CAMK1D: variants seen among roughly 807,000 people sequenced by gnomAD.
CAMK1D encodes calcium/calmodulin dependent protein kinase ID, also known as calcium/calmodulin-dependent protein kinase type 1D.
A neutral mutation model predicts 47.7 loss-of-function variants in CAMK1D; 9 were observed. The ratio of observed to expected loss-of-function variants is 0.19; its 90% CI spans 0.11 to 0.33. The LOEUF is 0.33. CAMK1D is among the 10% of genes least tolerant of loss of function. The pLI, the probability that CAMK1D is intolerant of heterozygous loss-of-function variation, is 1.00. For missense variants in CAMK1D, 291 were observed against 488.7 expected (o/e 0.60, Z 3.81); for synonymous variants, 184 against 184.9 (o/e 0.99, Z 0.04).
chr10:12,374,398 G>A (rs1315332112), intron 1 of CAMK1D, among the ~76,000 whole-genome samples: 3 of 151,924 alleles, frequency 2.0e-5, no homozygotes, highest in East Asian at 1.9e-4. Flanking sequence ...ACCATTCCCC[G>A]TGAACTCCTA....
chr10:12,423,117 T>G (rs923954600), intron 1 of CAMK1D, among the ~76,000 whole-genome samples: 5 of 152,200 alleles, frequency 3.3e-5, no homozygotes, highest in Non-Finnish European at 5.9e-5. Context: ...GAAGAAGGGA[T>G]GTTGATGCCG....
chr10:12,609,139 G>A (rs1280134637), intron 2 of CAMK1D, among the ~76,000 whole-genome samples: 1 of 152,362 alleles, frequency 6.6e-6, no homozygotes, highest in East Asian at 1.9e-4. Context: ...GCATTACCCA[G>A]ACCGTGTGGG....
At chr10:12,493,304 G>A (rs1156511656) in intron 1 of CAMK1D, among the ~76,000 whole-genome samples, 6 of 152,126 alleles carry the variant, frequency 3.9e-5, no homozygotes, top group Non-Finnish European at 7.4e-5. Context: ...GTGCTCACAG[G>A]GCTCCTGGGG....
intron 1 of CAMK1D, among the ~76,000 whole-genome samples, chr10:12,529,482 C>A (rs188588642): frequency 5.3e-5 from 8 of 152,260 alleles, no homozygotes; most frequent in Admixed American, 4.6e-4. Context: ...TGGGATTGTT[C>A]TGGCAAATTG....
intron 2 of CAMK1D, among the ~76,000 whole-genome samples, chr10:12,664,025 A>G (rs1439437999): frequency 1.3e-5 from 2 of 152,134 alleles, no homozygotes; most frequent in Admixed American, 1.3e-4. Context: ...TTTCTCAAGT[A>G]TGCTTATTCA....
chr10:12,520,180 G>A lies in CAMK1D; in HGVS notation c.93-33045G>A, dbSNP rs1179566086. Among the ~76,000 whole-genome samples, 13 of 75,328 alleles carry A rather than the reference G, an allele frequency of 1.7e-4. 4 individuals carry two copies. The East Asian group carries it at 5.6e-3, about 32-fold the overall frequency. 49.4% of individuals were successfully genotyped at this position (75,328 alleles called of 152,430 possible). ...GGGCTCCCCACTTCTCAGACGGGGC[G>A]GTTGCCAGGCAGAGGGTTTCCTCAC... is the stretch of plus-strand genomic sequence containing the variant. On this transcript the variant is annotated intron_variant, in intron 1 of 10. Transcript: ENST00000619168.
chr10:12,686,943 C>G (rs1832689528), intron 3 of CAMK1D, among the ~76,000 whole-genome samples: 1 of 152,172 alleles, frequency 6.6e-6, no homozygotes, highest in South Asian at 2.1e-4. Context: ...CTACCAACCT[C>G]AAATAGTAAT....
intron 1 of CAMK1D, among the ~76,000 whole-genome samples, chr10:12,526,428 C>A (rs949718423): frequency 1.3e-5 from 2 of 152,264 alleles, no homozygotes; most frequent in South Asian, 4.1e-4. Flanking sequence ...TTTATAGGAT[C>A]TCTTTTTTTC....
chr10:12,738,383 C>T (rs1211294945), intron 3 of CAMK1D, among the ~76,000 whole-genome samples: 3 of 152,152 alleles, frequency 2.0e-5, no homozygotes, highest in African/African-American at 7.2e-5. Flanking sequence ...GAGTGAAGGA[C>T]ACGTGAGCTC....
At chr10:12,666,401 G>C (rs1467466808) in intron 2 of CAMK1D, among the ~76,000 whole-genome samples, 3 of 152,180 alleles carry the variant, frequency 2.0e-5, no homozygotes, top group African/African-American at 7.2e-5. Flanking sequence ...ACAGAAGAGG[G>C]AATAATTCTG....
rs536558542 is a variant in CAMK1D at position 12,560,161 on chromosome 10, C to T, written c.224+6805C>T. On this transcript the variant is annotated intron_variant, in intron 2 of 10. Coordinates refer to ENST00000619168, the MANE Select transcript of CAMK1D (RefSeq NM_153498.4). ...ATCTAGCCTGCCCCTGCTCCTGCGG[C>T]TTTGTTCTGAAGGGAGGCTGGCCCT... 4.8e-4 allele frequency among the ~76,000 whole-genome samples: 73 copies of T among 152,240 alleles called. 1 individual carries two copies. The highest frequency in any genetic ancestry group is 1.8e-3 in the African/African-American group (73 of 41,528).
intron 8 of CAMK1D, 131 bp downstream of exon 8, chr10:12,816,459 A>G: frequency 1.4e-6 from 1 of 738,054 alleles, no homozygotes. Context: ...CATTCTGGCC[A>G]GTGACTTTCC....
rs144387986 is a variant in CAMK1D, at chr10:12,636,398, G to A, written c.225-30338G>A. Among the ~76,000 whole-genome samples, 252 of 152,344 alleles carry A rather than the reference G, an allele frequency of 1.7e-3. 1 individual carries two copies. The Middle Eastern group carries it at 0.017, about 10-fold the overall frequency. On this transcript the variant is annotated intron_variant, in intron 2 of 10. Coordinates refer to ENST00000619168, the MANE Select transcript of CAMK1D (RefSeq NM_153498.4). The stretch of plus-strand genomic sequence containing the variant: ...GCTAGAGTGCGGTGGCACGATCATA[G>A]CTCACCGCAGCCTTGACCTCTGGGG...
In CAMK1D at chr10:12,363,508, G is replaced by C. The variant is rs143896790; in HGVS notation, c.92+13598G>C. 3.5e-3 allele frequency among the ~76,000 whole-genome samples: 539 copies of C among 152,158 alleles called. 6 individuals carry two copies. Among genetic ancestry groups the C allele is most frequent in the East Asian group, 0.034 (177 of 5,178 alleles). On this transcript the variant is annotated intron_variant, in intron 1 of 10. Coordinates refer to ENST00000619168, the MANE Select transcript of CAMK1D (RefSeq NM_153498.4). ...GACCTCTGGTGATCTGCCCTCTTCG[G>C]CCTCCTCTCTCATGTACTTTAAATC...
chr10:12,657,979 G>A (rs1292897100), intron 2 of CAMK1D, among the ~76,000 whole-genome samples: 4 of 152,182 alleles, frequency 2.6e-5, no homozygotes, highest in African/African-American at 9.6e-5. Context: ...GTGAAACCCT[G>A]TCTCTACTAA....
intron 3 of CAMK1D, among the ~76,000 whole-genome samples, chr10:12,718,184 G>A (rs1834231047): frequency 6.6e-6 from 1 of 152,052 alleles, no homozygotes; most frequent in African/African-American, 2.4e-5. Context: ...ATGTTTTTTG[G>A]ATCGATTTCT....
chr10:12,616,717 C>T lies in CAMK1D; in HGVS notation c.225-50019C>T, dbSNP rs1838835166. On this transcript the variant is annotated intron_variant, in intron 2 of 10. Coordinates refer to ENST00000619168, the MANE Select transcript of CAMK1D (RefSeq NM_153498.4). ...TATTTGTAGTAGACACGGGGTTTCA[C>T]CTTGTTAGCCAGGATGGTCTCGATC... Among the ~76,000 whole-genome samples, 3 of 152,136 alleles carry T rather than the reference C, an allele frequency of 2.0e-5. No homozygotes were observed. In the South Asian group the frequency reaches 6.2e-4, roughly 32 times the overall value.
intron 3 of CAMK1D, among the ~76,000 whole-genome samples, chr10:12,756,795 G>A (rs1255064848): frequency 1.3e-5 from 2 of 152,180 alleles, no homozygotes. Flanking sequence ...GGGCGTGGTG[G>A]TGGCCACCTG....
chr10:12,692,925 A>G (rs979450297), intron 3 of CAMK1D, among the ~76,000 whole-genome samples: 1 of 152,182 alleles, frequency 6.6e-6, no homozygotes, highest in African/African-American at 2.4e-5. Context: ...TTTATGTGAA[A>G]ATGTGGCTGA....
Sources: allele counts gnomAD v4.1 joint callset (sites outside exome capture counted in the v4.1 genomes callset), GRCh38; gene constraint gnomAD v4.1.1; transcripts MANE v1.5; gene names NCBI Gene and HGNC (gene_info 2026-07-23, HGNC 2026-07-21).